Variants in DFFB observed in about 807,000 individuals in gnomAD.
DFFB encodes the protein DNA fragmentation factor subunit beta, also known as DNA fragmentation factor 40 kDa subunit.
A neutral mutation model predicts 32.7 loss-of-function variants in DFFB; 29 were observed. The ratio of observed to expected loss-of-function variants is 0.89; its 90% CI spans 0.66 to 1.21. The LOEUF (loss-of-function observed/expected upper bound fraction) is 1.21. Ranked by LOEUF, DFFB falls within the 50% of genes most tolerant of loss-of-function variation. DFFB has a pLI of 0.00. For synonymous variants in DFFB, 170 were observed against 177.1 expected (o/e 0.96, Z 0.32); for missense variants, 398 against 440.6 (o/e 0.90, Z 0.87).
At chr1:3,876,785 A>G (rs1385757552) in intron 6 of DFFB, among the ~76,000 whole-genome samples, 3 of 152,084 alleles carry the variant, frequency 2.0e-5, no homozygotes, top group African/African-American at 7.2e-5. Flanking sequence ...CCTTAGTGCC[A>G]CCTCACACCA....
intron 3 of DFFB, 83 bp downstream of exon 3, chr1:3,866,083 A>G (rs1282756397): frequency 1.0e-5 from 12 of 1,188,348 alleles, no homozygotes; most frequent in Non-Finnish European, 1.4e-5. Flanking sequence ...AAAAGCCCCC[A>G]GTGAAGGGCT....
At chr1:3,872,684 G>GCCC (rs1645144787) in intron 6 of DFFB, 112 bp downstream of exon 6, 2 of 955,114 alleles carry the variant, frequency 2.1e-6, no homozygotes, top group Non-Finnish European at 3.2e-6. Context: ...CCCTGCCACG[G>GCCC]TGTTGCCTCC....
intron 3 of DFFB, among the ~76,000 whole-genome samples, chr1:3,867,008 G>C (rs1444030403): frequency 7.4e-6 from 1 of 136,010 alleles, no homozygotes; most frequent in African/African-American, 3.2e-5. Context: ...CCATTCTCCA[G>C]CCTCAGCCTC....
chr1:3,866,014 G>A lies in DFFB; in HGVS notation c.430+14G>A. 6.5e-7 allele frequency: 1 copy of A among 1,534,090 alleles called. No individual in the cohort carries two copies. The highest frequency in any genetic ancestry group is 1.3e-5 in the South Asian group (1 of 77,928). ...CGTGGTTTGAAGGTGCGTGGGGGCT[G>A]CAGCTGGCAGGGGAGAGGCTTCTTT... On this transcript the variant is annotated intron_variant, in intron 3 of 6. Coordinates refer to ENST00000378209, the MANE Select transcript of DFFB (RefSeq NM_004402.4).
intron 6 of DFFB, among the ~76,000 whole-genome samples, chr1:3,880,145 C>T (rs1364059163): frequency 6.6e-6 from 1 of 152,128 alleles, no homozygotes. Context: ...GAGGTTGGCC[C>T]CATGGGCCAT....
chr1:3,864,777 G>A (rs10909808), intron 2 of DFFB, among the ~76,000 whole-genome samples: 5,810 of 151,608 alleles, frequency 0.038, 398 homozygotes, highest in African/African-American at 0.13. Flanking sequence ...TCAAACTCCT[G>A]CCCTTAAGTG....
At chr1:3,867,316 C>T (rs75683196) in intron 3 of DFFB, among the ~76,000 whole-genome samples, 2,146 of 152,374 alleles carry the variant, frequency 0.014, 27 homozygotes, top group South Asian at 0.066. Flanking sequence ...GTACATGCCA[C>T]GCTCCGTCTG....
chr1:3,874,303 C>T (rs868517823), intron 6 of DFFB, among the ~76,000 whole-genome samples: 47 of 127,636 alleles, frequency 3.7e-4, no homozygotes, highest in African/African-American at 1.0e-3. Context: ...TTACCACACG[C>T]GTGTGGGTTT....
rs1446273875 is a variant in DFFB at position 3,885,400 on chromosome 1, G to A, written c.*1659G>A. On this transcript the variant is annotated 3_prime_UTR_variant, in exon 7 of 7. Coordinates refer to ENST00000378209, the MANE Select transcript of DFFB (RefSeq NM_004402.4). ...ATTTTTACATTTGTTGTACAATCAG[G>A]AAAAGCAATAAAGATTTTTCAAAAA... 1.3e-5 allele frequency: 2 copies of A among 152,096 alleles called. No homozygotes were observed. The highest frequency in any genetic ancestry group is 2.9e-5 in the Non-Finnish European group (2 of 68,002). 9.4% of individuals were successfully genotyped at this position (152,096 alleles called of 1,614,324 possible).
intron 6 of DFFB, chr1:3,872,992 T>A: frequency 7.8e-7 from 1 of 1,274,198 alleles, no homozygotes; most frequent in Non-Finnish European, 1.0e-6. Context: ...AGGGTGTTTT[T>A]CCCTTTTTCT....
At chr1:3,859,541 A>G (rs6660371) in intron 2 of DFFB, among the ~76,000 whole-genome samples, 40,004 of 152,078 alleles carry the variant, frequency 0.26, 5,759 homozygotes, top group African/African-American at 0.34. Flanking sequence ...TGCTTCTGGC[A>G]GCCCAGGAAG....
chr1:3,861,851 TC>T (rs1557709040), intron 2 of DFFB, among the ~76,000 whole-genome samples: 1 of 152,224 alleles, frequency 6.6e-6, no homozygotes, highest in Non-Finnish European at 1.5e-5. Flanking sequence ...TCTTGCTGCT[TC>T]TGTTTAACAT....
In DFFB at chr1:3,865,966, C is replaced by G. The variant is rs140438463; in HGVS notation, c.396C>G (p.Ala132=). Residue 132 remains alanine, a synonymous_variant, in exon 3 of 7, where the codon GCC becomes GCG. Transcript: ENST00000378209. This position sits in a 1 kb window ranked among gnomAD's most constrained non-coding sequence, Gnocchi z 4.7. ...ACAACGTCAGCCAGAACATCGCGGC[C>G]GAGACCCGGGCTGAGGACCCGCCGT... is the stretch of plus-strand genomic sequence containing the variant. ...LLHNVSQNIA[A]ETRAEDPPWF... is the part of the protein sequence containing the mutation. 3 of 1,584,626 alleles carry G rather than the reference C, an allele frequency of 1.9e-6. No individual in the cohort carries two copies. The highest frequency in any genetic ancestry group is 2.6e-6 in the Non-Finnish European group (3 of 1,162,256).
chr1:3,872,681 A>G, intron 6 of DFFB, 109 bp downstream of exon 6: 6 of 977,968 alleles, frequency 6.1e-6, no homozygotes, highest in South Asian at 4.3e-5. Context: ...TGTCCCTGCC[A>G]CGGTGTTGCC....
intron 6 of DFFB, among the ~76,000 whole-genome samples, chr1:3,882,873 A>C (rs1408092150): frequency 6.6e-6 from 1 of 152,078 alleles, no homozygotes; most frequent in African/African-American, 2.4e-5. Flanking sequence ...TTTGGGGGTA[A>C]ATGTATACGT....
At position 3,857,478 on chromosome 1, in the gene DFFB, C is replaced by G. The variant is rs992869504; in HGVS notation, c.-126C>G. ...GTAATGTAGTTTCCGGGATCGGCACCCGGCCTGTGCCAGCTTGCAGAGCTC... is the reference window on the plus strand; with the variant it reads ...GTAATGTAGTTTCCGGGATCGGCACGCGGCCTGTGCCAGCTTGCAGAGCTC... On this transcript the variant is annotated 5_prime_UTR_variant, in exon 1 of 7. Coordinates refer to ENST00000378209, the MANE Select transcript of DFFB (RefSeq NM_004402.4). 2 of 588,954 alleles carry G rather than the reference C, an allele frequency of 3.4e-6. No individual in the cohort carries two copies. The highest frequency in any genetic ancestry group is 3.6e-4 in the Middle Eastern group (1 of 2,814). The allele number at this position is 588,954 out of a possible 1,614,324, so 36.5% of individuals were successfully genotyped here.
At chr1:3,862,014 T>A (rs972180096) in intron 2 of DFFB, among the ~76,000 whole-genome samples, 3 of 152,176 alleles carry the variant, frequency 2.0e-5, no homozygotes, top group Admixed American at 6.5e-5. Flanking sequence ...TTAGAACTAA[T>A]CATCAAGTTT....
At chr1:3,878,212 C>T (rs1033680021) in intron 6 of DFFB, among the ~76,000 whole-genome samples, 8 of 150,448 alleles carry the variant, frequency 5.3e-5, no homozygotes, top group African/African-American at 7.4e-5. Flanking sequence ...AGTCCAGTGG[C>T]GCAATCTCCT....
At chr1:3,866,080 C>G (rs112043792) in intron 3 of DFFB, 80 bp downstream of exon 3, 27 of 1,228,842 alleles carry the variant, frequency 2.2e-5, no homozygotes, top group African/African-American at 1.7e-4. Flanking sequence ...CCAAAAAGCC[C>G]CCAGTGAAGG....
Sources: gnomAD v4.1 joint callset for allele counts (sites outside exome capture counted in the v4.1 genomes callset) on GRCh38, gnomAD v4.1.1 for gene constraint, Gnocchi (gnomAD v3.1) non-coding constraint, MANE v1.5 for transcripts, NCBI Gene and HGNC (gene_info 2026-07-23, HGNC 2026-07-21) for gene names.